Variants in GALK2 observed in about 807,000 individuals in gnomAD.
GALK2 encodes N-acetylgalactosamine kinase.
Under a neutral mutation model 52.4 loss-of-function variants are expected in GALK2, and 36 were observed. The observed-to-expected ratio is 0.69, with a 90% CI of 0.53 to 0.91. The LOEUF (loss-of-function observed/expected upper bound fraction) is 0.91. GALK2 is among the 40% of genes least tolerant of loss of function. The pLI is 0.00. For missense variants in GALK2, 579 were observed against 559.1 expected (o/e 1.04, Z -0.36); for synonymous variants, 176 against 199.1 (o/e 0.88, Z 0.98).
chr15:49,304,329 A>AT (rs2035365995), intron 8 of GALK2, among the ~76,000 whole-genome samples: 1 of 152,202 alleles, frequency 6.6e-6, no homozygotes, highest in African/African-American at 2.4e-5. Context: ...AGTAACAAAC[A>AT]ATTTCAAAGT....
At chr15:49,344,954 A>G (rs559037313) in intron 3 of GALK2, among the ~76,000 whole-genome samples, 9 of 152,326 alleles carry the variant, frequency 5.9e-5, no homozygotes, top group East Asian at 3.9e-4. Context: ...AATACAACCA[A>G]TGATACACTT....
chr15:49,233,913 T>C (rs1016582628), intron 3 of GALK2, among the ~76,000 whole-genome samples: 2 of 152,208 alleles, frequency 1.3e-5, no homozygotes, highest in Admixed American at 6.5e-5. Context: ...CTTGGCTAGA[T>C]TGTGAACTTT....
intron 5 of GALK2, among the ~76,000 whole-genome samples, chr15:49,277,750 T>C (rs979189306): frequency 2.3e-4 from 34 of 147,766 alleles, no homozygotes; most frequent in Non-Finnish European, 3.5e-4. Context: ...GAGCCGAGAT[T>C]GAGCCACTGC....
chr15:49,265,200 C>T (rs928905031), intron 5 of GALK2, among the ~76,000 whole-genome samples: 13 of 152,200 alleles, frequency 8.5e-5, no homozygotes, highest in African/African-American at 2.9e-4. Flanking sequence ...GCAGGCAGGC[C>T]TCCTTGAGCT....
At chr15:49,343,402 C>G (rs143618957) in intron 3 of GALK2, among the ~76,000 whole-genome samples, 1 of 152,066 alleles carries the variant, frequency 6.6e-6, no homozygotes, top group African/African-American at 2.4e-5. Context: ...ATGTGTATCT[C>G]TTACTTCATT....
chr15:49,306,172 G>A (rs1030146294), intron 8 of GALK2, among the ~76,000 whole-genome samples: 3 of 151,666 alleles, frequency 2.0e-5, no homozygotes, highest in African/African-American at 7.3e-5. Flanking sequence ...TTCTGCTCCA[G>A]TACCTACCTT....
In GALK2 at chr15:49,354,536, G is replaced by A. The variant is rs182934345; in HGVS notation, c.427-12955G>A. 1.8e-3 allele frequency among the ~76,000 whole-genome samples: 268 copies of A among 152,304 alleles called. 1 individual carries two copies. Among genetic ancestry groups the A allele is most frequent in the South Asian group, 6.4e-3 (31 of 4,822 alleles). Reference sequence around the variant, plus strand: ...TCCCACCTGAATACTGCACTTTTCCGACCGGCTTAAAAAACGGCGCACCAC... The same window carrying A: ...TCCCACCTGAATACTGCACTTTTCCAACCGGCTTAAAAAACGGCGCACCAC... On this transcript the variant is annotated intron_variant, in intron 3 of 3. Coordinates refer to the GALK2 transcript ENST00000558399.
At chr15:49,266,777 T>A (rs1374368205) in intron 5 of GALK2, among the ~76,000 whole-genome samples, 1 of 152,152 alleles carries the variant, frequency 6.6e-6, no homozygotes, top group Non-Finnish European at 1.5e-5. Flanking sequence ...TGTGTGTGAA[T>A]CTGGCAATTA....
At chr15:49,318,468 T>G (rs1480583896) in intron 8 of GALK2, among the ~76,000 whole-genome samples, 2 of 152,182 alleles carry the variant, frequency 1.3e-5, no homozygotes, top group African/African-American at 4.8e-5. Flanking sequence ...TTTTGTAGGT[T>G]GTTTTTTCAC....
downstream of GALK2, among the ~76,000 whole-genome samples, chr15:49,336,014 T>G (rs1163998916): frequency 6.6e-6 from 1 of 152,162 alleles, no homozygotes; most frequent in African/African-American, 2.4e-5. Flanking sequence ...TTGCCCAGAC[T>G]GGTCTTGAAC....
intron 5 of GALK2, among the ~76,000 whole-genome samples, chr15:49,269,500 C>G (rs1355218636): frequency 6.6e-6 from 1 of 152,222 alleles, no homozygotes; most frequent in African/African-American, 2.4e-5. Flanking sequence ...ACTTCCCTCT[C>G]CTATTTTGCA....
chr15:49,296,815 G>T (rs1259448004), intron 8 of GALK2, among the ~76,000 whole-genome samples: 2 of 152,140 alleles, frequency 1.3e-5, no homozygotes, highest in Non-Finnish European at 2.9e-5. Flanking sequence ...TGGCCAGGCT[G>T]GTCTCGAACT....
chr15:49,298,136 C>T (rs1199013047), intron 8 of GALK2, among the ~76,000 whole-genome samples: 1 of 152,082 alleles, frequency 6.6e-6, no homozygotes, highest in Non-Finnish European at 1.5e-5. Context: ...CTTTCACCTC[C>T]TTGGTTAACT....
chr15:49,259,501 C>A (rs113512584), intron 5 of GALK2, among the ~76,000 whole-genome samples: 1 of 151,022 alleles, frequency 6.6e-6, no homozygotes, highest in Non-Finnish European at 1.5e-5. Context: ...CATCCAGGTC[C>A]CTACAAAGGA....
chr15:49,262,752 G>A (rs2092182082), intron 5 of GALK2, among the ~76,000 whole-genome samples: 1 of 145,152 alleles, frequency 6.9e-6, no homozygotes, highest in Non-Finnish European at 1.5e-5. Flanking sequence ...GCATCCCAGA[G>A]ATTCTGGTAT....
intron 3 of GALK2, among the ~76,000 whole-genome samples, chr15:49,228,321 T>C (rs2090254587): frequency 6.6e-6 from 1 of 152,100 alleles, no homozygotes; most frequent in Non-Finnish European, 1.5e-5. Context: ...TCTATCCTTT[T>C]GGTTTTCTCT....
At chr15:49,242,940 C>T (rs2091169116) in intron 5 of GALK2, among the ~76,000 whole-genome samples, 1 of 151,996 alleles carries the variant, frequency 6.6e-6, no homozygotes, top group African/African-American at 2.4e-5. Context: ...TTTGGTAAGC[C>T]AAGGAGACAT....
At chr15:49,355,607 C>CGTCT (rs2043019214) in intron 3 of GALK2, among the ~76,000 whole-genome samples, 1 of 152,122 alleles carries the variant, frequency 6.6e-6, no homozygotes, top group Non-Finnish European at 1.5e-5. Context: ...ACCAAATCTA[C>CGTCT]GTCTGACTGG....
In GALK2 at chr15:49,329,513, G is replaced by C; in HGVS notation, c.*1354G>C. The C allele has an allele frequency of 1.0e-6, 1 of 985,254 alleles. No individual in the cohort carries two copies. Among genetic ancestry groups the C allele is most frequent in the Non-Finnish European group, 1.2e-6 (1 of 829,854 alleles). The allele number at this position is 985,254 out of a possible 1,614,324, so 61.0% of individuals were successfully genotyped here. A position where few individuals can be genotyped will look rare whatever the true frequency, so the allele number is the denominator to read the frequency against. ...CATCTAGAATTTCAGTTTAAGGGAG[G>C]CCTGCGCAAAGCTAGTTTTATTTCT... On this transcript the variant is annotated 3_prime_UTR_variant, in exon 10 of 10. Transcript: ENST00000560031.
Sources: allele counts gnomAD v4.1 joint callset (sites outside exome capture counted in the v4.1 genomes callset), GRCh38; gene constraint gnomAD v4.1.1; transcripts MANE v1.5; gene names NCBI Gene and HGNC (gene_info 2026-07-23, HGNC 2026-07-21).